The following ARB2A variants were observed in gnomAD, a reference collection of about 807,000 sequenced individuals.
ARB2A encodes ARB2 cotranscriptional regulator A.
chr5:93,739,276 A>G, the ARB2A span: 1 of 152,164 alleles, frequency 6.6e-6, no homozygotes, highest in African/African-American at 2.4e-5. Flanking sequence ...CTAAGTACTC[A>G]TCTAAAAATT....
chr5:93,639,394 A>G, the ARB2A span, among the ~76,000 whole-genome samples: 1 of 151,124 alleles, frequency 6.6e-6, no homozygotes, highest in Non-Finnish European at 1.5e-5. Flanking sequence ...GTCTGGTACT[A>G]CACTATTTTA....
chr5:93,715,795 A>T, the ARB2A span, among the ~76,000 whole-genome samples: 3 of 152,202 alleles, frequency 2.0e-5, no homozygotes, highest in Non-Finnish European at 4.4e-5. Context: ...ATTTTGAAAA[A>T]AAAATGCTTG....
the ARB2A span, among the ~76,000 whole-genome samples, chr5:93,720,459 G>T: frequency 6.6e-6 from 1 of 151,990 alleles, no homozygotes; most frequent in Non-Finnish European, 1.5e-5. Flanking sequence ...GAGTTCTTTC[G>T]GTGTCATATC....
chr5:94,030,217 T>A, the ARB2A span, among the ~76,000 whole-genome samples: 1 of 152,248 alleles, frequency 6.6e-6, no homozygotes, highest in African/African-American at 2.4e-5. Flanking sequence ...CAACACAATT[T>A]AGCTTCTCAC....
chr5:94,016,795 C>T, the ARB2A span, among the ~76,000 whole-genome samples: 2 of 152,202 alleles, frequency 1.3e-5, no homozygotes, highest in Middle Eastern at 3.4e-3. Context: ...TTTACAGATG[C>T]TAAGAAAATT....
the ARB2A span, among the ~76,000 whole-genome samples, chr5:94,098,200 A>G: frequency 0.042 from 6,384 of 152,284 alleles, 185 homozygotes; most frequent in East Asian, 0.14. Flanking sequence ...TCCAAAAGAC[A>G]GCAACAACAA....
the ARB2A span, among the ~76,000 whole-genome samples, chr5:94,054,405 G>A: frequency 6.6e-6 from 1 of 151,840 alleles, no homozygotes; most frequent in African/African-American, 2.4e-5. Context: ...GACTGTGTCA[G>A]GTATTTTATA....
chr5:93,793,939 T>C, the ARB2A span, among the ~76,000 whole-genome samples: 1 of 152,106 alleles, frequency 6.6e-6, no homozygotes, highest in African/African-American at 2.4e-5. Flanking sequence ...TACCACACTG[T>C]TCTTTGAGTA....
At chr5:93,653,050 G>T in the ARB2A span, among the ~76,000 whole-genome samples, 1 of 151,872 alleles carries the variant, frequency 6.6e-6, no homozygotes, top group Admixed American at 6.6e-5. Context: ...ATGTAAAAAT[G>T]GGGCCAATAA....
At chr5:94,060,022 T>C in the ARB2A span, among the ~76,000 whole-genome samples, 12 of 152,164 alleles carry the variant, frequency 7.9e-5, no homozygotes, top group East Asian at 2.3e-3. Context: ...CAACAGGTAA[T>C]AGTAAAACAG....
chr5:94,067,350 G>T, the ARB2A span, among the ~76,000 whole-genome samples: 1 of 151,962 alleles, frequency 6.6e-6, no homozygotes, highest in Non-Finnish European at 1.5e-5. Flanking sequence ...GAAAAATCAG[G>T]CAAGAGAACA....
the ARB2A span, among the ~76,000 whole-genome samples, chr5:93,849,235 T>A: frequency 2.0e-5 from 3 of 151,964 alleles, no homozygotes; most frequent in Non-Finnish European, 2.9e-5. Flanking sequence ...TGAAAAAAAA[T>A]TTCCACAGAT....
At chr5:94,096,329 G>GCATAT in the ARB2A span, among the ~76,000 whole-genome samples, 2 of 152,104 alleles carry the variant, frequency 1.3e-5, no homozygotes. Context: ...AGAGGAAAGG[G>GCATAT]GTATCACTTG....
At chr5:93,842,238 C>G in the ARB2A span, among the ~76,000 whole-genome samples, 3 of 152,188 alleles carry the variant, frequency 2.0e-5, no homozygotes, top group East Asian at 5.8e-4. Flanking sequence ...CAGTGAGCTG[C>G]AAGCTGCCTG....
the ARB2A span, among the ~76,000 whole-genome samples, chr5:93,986,953 C>A: frequency 6.6e-6 from 1 of 152,038 alleles, no homozygotes; most frequent in Non-Finnish European, 1.5e-5. Context: ...CTTCTCTCCA[C>A]TATTGTCCTA....
the ARB2A span, chr5:93,881,645 A>G: frequency 2.5e-6 from 4 of 1,598,062 alleles, no homozygotes; most frequent in African/African-American, 4.1e-5. Flanking sequence ...TTCTACTTCA[A>G]TATAGTTTTC....
At chr5:93,741,808 T>A in the ARB2A span, 90 of 449,630 alleles carry the variant, frequency 2.0e-4, 1 homozygote, top group East Asian at 2.9e-3. Flanking sequence ...AGCTCCCTTG[T>A]GGGATTTGCA....
the ARB2A span, chr5:93,804,943 G>A: frequency 2.0e-6 from 2 of 981,694 alleles, no homozygotes; most frequent in South Asian, 4.7e-5. Context: ...ATCATACAGA[G>A]TGGCAAAAAA....
At chr5:93,902,949 T>C in the ARB2A span, among the ~76,000 whole-genome samples, 13,949 of 152,186 alleles carry the variant, frequency 0.092, 809 homozygotes, top group Middle Eastern at 0.16. Context: ...ACACAAGTGC[T>C]GGCCAAGCAA....
Sources: allele counts gnomAD v4.1 joint callset (sites outside exome capture counted in the v4.1 genomes callset), GRCh38; gene constraint gnomAD v4.1.1; transcripts MANE v1.5; gene names NCBI Gene and HGNC (gene_info 2026-07-23, HGNC 2026-07-21).